Variants in TM2D1 observed in about 807,000 individuals in gnomAD.
TM2D1 encodes TM2 domain-containing protein 1.
TM2D1 carries 15 observed loss-of-function variants against 28.4 expected under a neutral mutation model. The ratio of observed to expected loss-of-function variants is 0.53; its 90% CI spans 0.35 to 0.81. TM2D1 has a LOEUF of 0.81. Ranked by LOEUF, TM2D1 falls within the 40% of genes least tolerant of loss-of-function variation. The pLI, the probability that TM2D1 is intolerant of heterozygous loss-of-function variation, is 0.01. For missense variants in TM2D1, 236 were observed against 254.9 expected (o/e 0.93, Z 0.50); for synonymous variants, 93 against 96.2 (o/e 0.97, Z 0.20).
At chr1:61,684,716 T>A (rs942860836) in intron 5 of TM2D1, among the ~76,000 whole-genome samples, 1 of 152,102 alleles carries the variant, frequency 6.6e-6, no homozygotes, top group Non-Finnish European at 1.5e-5. Flanking sequence ...TCACAGAAAA[T>A]TTTTAAATAT....
rs555943834 is a variant in TM2D1 at position 61,722,429 on chromosome 1, C to A, written c.238+1284G>T. ...TGTCACCCAGGCCAGAGTGCAATGG[C>A]GCGATCTCGGCTCACTGTAACCTCT... On this transcript the variant is annotated intron_variant, in intron 2 of 6. Transcript: ENST00000606498. 1.3e-4 allele frequency among the ~76,000 whole-genome samples: 20 copies of A among 152,240 alleles called. No individual in the cohort carries two copies. The South Asian group carries it at 3.9e-3, about 30-fold the overall frequency.
intron 4 of TM2D1, 65 bp downstream of exon 4, chr1:61,700,869 A>G (rs991530865): frequency 7.7e-6 from 9 of 1,167,616 alleles, no homozygotes; most frequent in Non-Finnish European, 1.0e-5. Flanking sequence ...TTAATCCATA[A>G]GAACACCTAC....
intron 2 of TM2D1, 38 bp downstream of exon 2, chr1:61,723,675 T>C: frequency 8.5e-7 from 1 of 1,181,022 alleles, no homozygotes; most frequent in East Asian, 2.6e-5. Flanking sequence ...ATAATGTTTT[T>C]AAAATTATTT....
rs530050335 is a variant in TM2D1 at position 61,723,840 on chromosome 1, A to G, written c.165-54T>C. ...CTACATTCCAACACAACACATTATC[A>G]TGCCTTTACTATTCATATTATATAC... is the stretch of plus-strand genomic sequence containing the variant. On this transcript the variant is annotated intron_variant, in intron 1 of 6. Coordinates refer to ENST00000606498, the MANE Select transcript of TM2D1 (RefSeq NM_032027.3). 38 of 831,338 alleles carry G rather than the reference A, an allele frequency of 4.6e-5. No homozygotes were observed. The South Asian group carries it at 6.0e-4, about 13-fold the overall frequency. 51.5% of individuals were successfully genotyped at this position (831,338 alleles called of 1,614,324 possible).
intron 3 of TM2D1, among the ~76,000 whole-genome samples, chr1:61,706,348 C>T (rs1644440145): frequency 6.6e-6 from 1 of 152,102 alleles, no homozygotes; most frequent in Admixed American, 6.5e-5. Context: ...GGACTACAGA[C>T]ATGCACCACC....
At chr1:61,704,788 G>C (rs1332407551) in intron 3 of TM2D1, among the ~76,000 whole-genome samples, 4 of 152,218 alleles carry the variant, frequency 2.6e-5, no homozygotes, top group African/African-American at 9.6e-5. Context: ...AGCCAGGCTG[G>C]GCACAGTGGC....
At chr1:61,722,011 T>A (rs1236262270) in intron 2 of TM2D1, among the ~76,000 whole-genome samples, 1 of 146,466 alleles carries the variant, frequency 6.8e-6, no homozygotes, top group African/African-American at 2.5e-5. Context: ...TTCATGCCTG[T>A]AAACCCAGCA....
intron 6 of TM2D1, 184 bp downstream of exon 6, chr1:61,683,233 G>T: frequency 3.7e-6 from 1 of 268,024 alleles, no homozygotes; most frequent in Non-Finnish European, 7.0e-6. Context: ...AGTCTGAAGT[G>T]GGAACCGAAG....
chr1:61,689,848 A>G (rs1644311086), intron 5 of TM2D1, among the ~76,000 whole-genome samples: 1 of 152,134 alleles, frequency 6.6e-6, no homozygotes, highest in Non-Finnish European at 1.5e-5. Context: ...TTACCTCTCA[A>G]GTGACACTGT....
chr1:61,724,813 T>A, intron 1 of TM2D1, 144 bp downstream of exon 1: 1 of 939,324 alleles, frequency 1.1e-6, no homozygotes, highest in Non-Finnish European at 1.5e-6. Flanking sequence ...CTGTTCACCT[T>A]CAGGGATCCT....
chr1:61,715,771 T>G (rs1644513230), intron 2 of TM2D1, among the ~76,000 whole-genome samples: 1 of 151,696 alleles, frequency 6.6e-6, no homozygotes, highest in Non-Finnish European at 1.5e-5. Flanking sequence ...CAAAAAGTGT[T>G]TAGGGGCTTG....
At chr1:61,707,445 C>T (rs17122686) in intron 3 of TM2D1, among the ~76,000 whole-genome samples, 1 of 152,082 alleles carries the variant, frequency 6.6e-6, no homozygotes, top group African/African-American at 2.4e-5. Flanking sequence ...CTGTTCTCAA[C>T]AGATGATTTT....
chr1:61,696,554 AAAAAG>A (rs1225168070), intron 4 of TM2D1, among the ~76,000 whole-genome samples: 7 of 152,004 alleles, frequency 4.6e-5, no homozygotes, highest in Non-Finnish European at 1.0e-4. Flanking sequence ...AAAAAAAAAA[AAAAAG>A]AAAGAAAGAA....
chr1:61,709,137 C>A (rs1365044624), intron 3 of TM2D1, among the ~76,000 whole-genome samples, 192 bp downstream of exon 3: 1 of 152,060 alleles, frequency 6.6e-6, no homozygotes, highest in Non-Finnish European at 1.5e-5. Context: ...TGCACTCCAG[C>A]CTGAGTGACT....
intron 4 of TM2D1, among the ~76,000 whole-genome samples, chr1:61,697,093 T>C (rs1644368519): frequency 6.6e-6 from 1 of 152,192 alleles, no homozygotes. Flanking sequence ...AGTATTTTTA[T>C]ATTTGGAAAC....
intron 5 of TM2D1, among the ~76,000 whole-genome samples, chr1:61,691,940 T>TATATATATATATATATATAC (rs1557527343): frequency 9.5e-6 from 1 of 105,232 alleles, no homozygotes; most frequent in Non-Finnish European, 2.0e-5. Context: ...AAAATATATA[T>TATATATATATATATATATAC]ATATATATAT....
chr1:61,714,362 A>G (rs1467607560), intron 2 of TM2D1, among the ~76,000 whole-genome samples: 1 of 151,684 alleles, frequency 6.6e-6, no homozygotes, highest in Admixed American at 6.6e-5. Context: ...CCAACATGGT[A>G]AAACACCGTC....
intron 2 of TM2D1, among the ~76,000 whole-genome samples, chr1:61,710,475 T>TAC (rs34366819): frequency 0.71 from 84,113 of 119,148 alleles, 30,731 homozygotes; most frequent in South Asian, 0.81. Flanking sequence ...TATATATATA[T>TAC]ACACACACAC....
intron 2 of TM2D1, among the ~76,000 whole-genome samples, chr1:61,711,529 T>C (rs963964694): frequency 1.3e-5 from 2 of 151,580 alleles, no homozygotes; most frequent in Non-Finnish European, 2.9e-5. Context: ...TGCTCACCTG[T>C]TGTCAGGAGG....
Sources: allele counts gnomAD v4.1 joint callset (sites outside exome capture counted in the v4.1 genomes callset), GRCh38; gene constraint gnomAD v4.1.1; transcripts MANE v1.5; gene names NCBI Gene and HGNC (gene_info 2026-07-23, HGNC 2026-07-21).